Variants in SLIT3 observed in about 807,000 individuals in gnomAD.
The protein encoded by SLIT3 is slit homolog 3 protein.
In SLIT3, 68 loss-of-function variants were observed where a neutral mutation model predicts 184.0. The observed-to-expected ratio is 0.37, with a 90% CI of 0.30 to 0.45. SLIT3 has a LOEUF of 0.45. Ranked by LOEUF, SLIT3 falls within the 20% of genes least tolerant of loss-of-function variation. The probability of loss-of-function intolerance (pLI) is 1.00; values close to 1 mark genes in which losing one functional copy is unlikely to be tolerated. For synonymous variants in SLIT3, 831 were observed against 828.6 expected, an observed-to-expected ratio of 1.00 and a Z score of -0.05; for missense variants, 1,707 against 2,026.0, an observed-to-expected ratio of 0.84 and a Z score of 3.02.
intron 20 of SLIT3, among the ~76,000 whole-genome samples, chr5:168,735,234 C>A (rs1763394463): frequency 6.6e-6 from 1 of 152,214 alleles, no homozygotes. Flanking sequence ...TGAAACTCCA[C>A]ACAGATCTCT....
intron 29 of SLIT3, among the ~76,000 whole-genome samples, chr5:168,688,167 T>C (rs765658770): frequency 2.6e-5 from 4 of 152,336 alleles, no homozygotes; most frequent in South Asian, 4.1e-4. Flanking sequence ...CAGGCACATA[T>C]AAGCAAATGC....
At chr5:168,850,341 A>T (rs1229795678) in intron 5 of SLIT3, among the ~76,000 whole-genome samples, 2 of 152,224 alleles carry the variant, frequency 1.3e-5, no homozygotes, top group African/African-American at 4.8e-5. Flanking sequence ...CCTAGAATAC[A>T]TATAGATATG....
intron 20 of SLIT3, among the ~76,000 whole-genome samples, chr5:168,746,019 T>TC (rs1269503462): frequency 2.0e-5 from 3 of 152,228 alleles, no homozygotes; most frequent in African/African-American, 7.2e-5. Flanking sequence ...GTACATTGGT[T>TC]TTTTTCCAAC....
intron 5 of SLIT3, among the ~76,000 whole-genome samples, chr5:168,846,102 T>G (rs1030050129): frequency 6.6e-6 from 1 of 152,196 alleles, no homozygotes; most frequent in Non-Finnish European, 1.5e-5. Flanking sequence ...ATTGCATAAA[T>G]GCACACAAAT....
At chr5:169,096,692 C>A (rs1010513867) in intron 4 of SLIT3, among the ~76,000 whole-genome samples, 2 of 152,194 alleles carry the variant, frequency 1.3e-5, no homozygotes, top group African/African-American at 2.4e-5. Context: ...CCAATGGCTA[C>A]TGATATATAT....
intron 5 of SLIT3, among the ~76,000 whole-genome samples, chr5:168,872,640 C>T (rs56369956): frequency 3.0e-4 from 34 of 112,430 alleles, no homozygotes; most frequent in Admixed American, 5.5e-4. Flanking sequence ...TCTTCTTCTT[C>T]TTTTTTTTTT....
chr5:168,959,025 C>T (rs1484939781), intron 4 of SLIT3, among the ~76,000 whole-genome samples: 4 of 152,276 alleles, frequency 2.6e-5, no homozygotes, highest in African/African-American at 9.6e-5. Flanking sequence ...CCTTCAGGAG[C>T]TGAATGTGGC....
chr5:169,025,624 G>C (rs986262985), intron 4 of SLIT3, among the ~76,000 whole-genome samples: 1 of 152,190 alleles, frequency 6.6e-6, no homozygotes, highest in Non-Finnish European at 1.5e-5. Flanking sequence ...AGGAAACTAA[G>C]AGATGCCTGA....
intron 12 of SLIT3, among the ~76,000 whole-genome samples, chr5:168,775,470 A>G (rs1331705982): frequency 6.6e-6 from 1 of 151,976 alleles, no homozygotes; most frequent in Non-Finnish European, 1.5e-5. Flanking sequence ...CTCCTCAGAG[A>G]GGCCGGCCCT....
chr5:168,935,113 G>A (rs1459899275), intron 4 of SLIT3, among the ~76,000 whole-genome samples: 2 of 149,186 alleles, frequency 1.3e-5, no homozygotes, highest in Non-Finnish European at 3.0e-5. Flanking sequence ...ACTCCAGCCT[G>A]GGTGACAGAG....
intron 4 of SLIT3, among the ~76,000 whole-genome samples, chr5:169,185,315 T>C (rs1228236013): frequency 6.6e-6 from 1 of 152,190 alleles, no homozygotes; most frequent in Non-Finnish European, 1.5e-5. Context: ...TTTGGGTGGC[T>C]GTGTCCCTGA....
intron 4 of SLIT3, among the ~76,000 whole-genome samples, chr5:169,187,844 G>A (rs563440337): frequency 9.3e-5 from 14 of 150,192 alleles, no homozygotes; most frequent in Admixed American, 2.7e-4. Flanking sequence ...GTCAGCTACC[G>A]CTCCCAGCTG....
intron 4 of SLIT3, among the ~76,000 whole-genome samples, chr5:168,926,202 T>C (rs531402680): frequency 6.6e-6 from 1 of 152,116 alleles, no homozygotes; most frequent in South Asian, 2.1e-4. Context: ...CCAACAGGGT[T>C]CTCAGTGATA....
At position 169,028,865 on chromosome 5, in the gene SLIT3, A is replaced by G. The variant is rs147430738; in HGVS notation, c.414-145529T>C. Among the ~76,000 whole-genome samples the G allele has an allele frequency of 4.0e-4, 61 of 152,334 alleles. No individual in the cohort carries two copies. In the East Asian group the frequency reaches 0.012, roughly 29 times the overall value. ...TCCACTGCTTTCCAAAATTTTGGCA[A>G]CACTAGCAAAAGCAGCCCAGGCCTT... On this transcript the variant is annotated intron_variant, in intron 4 of 35. Transcript: ENST00000519560.
Position 168,762,625 on chromosome 5 carries a change from C to A in SLIT3, c.1524G>T (p.Lys508Asn). The change falls in exon 15 of 36, where the codon AAG becomes AAT. Residue 508 changes from lysine to asparagine, a missense_variant. This residue lies in a region of SLIT3 where 1,307 missense variants were observed against 1,511.6 expected (regional missense o/e 0.86). Transcript: ENST00000519560. ...CCACAATCGTGCCCTCACAGCGACA[C>A]TTCTCGGGGCACACGAGGTCCATGA... Reference protein sequence around the residue: ...ECFMDLVCPEKCRCEGTIVDC... With the variant: ...ECFMDLVCPENCRCEGTIVDC... 6.2e-7 allele frequency: 1 copy of A among 1,614,162 alleles called. No individual in the cohort carries two copies. The highest frequency in any genetic ancestry group is 8.5e-7 in the Non-Finnish European group (1 of 1,180,028).
intron 10 of SLIT3, 30 bp from the exon 11 acceptor site, chr5:168,789,661 C>T (rs1361617183): frequency 6.3e-7 from 1 of 1,582,290 alleles, no homozygotes; most frequent in Non-Finnish European, 8.7e-7. Context: ...AGTCTGAGAA[C>T]ATGGCTCAAA....
chr5:168,961,858 ATGTGTGTGTGTG>A (rs35895529), intron 4 of SLIT3, among the ~76,000 whole-genome samples: 40 of 148,516 alleles, frequency 2.7e-4, no homozygotes, highest in African/African-American at 9.7e-4. Flanking sequence ...GCATGCACGC[ATGTGTGTGTGTG>A]TGTGTGTGTG....
At chr5:169,195,076 T>C (rs990233310) in intron 3 of SLIT3, among the ~76,000 whole-genome samples, 8 of 152,162 alleles carry the variant, frequency 5.3e-5, no homozygotes, top group Non-Finnish European at 1.0e-4. Context: ...TTAGAGTGAA[T>C]TGAGTATGGC....
intron 4 of SLIT3, among the ~76,000 whole-genome samples, chr5:169,040,563 A>T (rs1297859970): frequency 1.3e-5 from 2 of 152,230 alleles, no homozygotes; most frequent in Non-Finnish European, 2.9e-5. Flanking sequence ...TTTGGGAGAC[A>T]GACGGATGAA....
Sources: allele counts gnomAD v4.1 joint callset (sites outside exome capture counted in the v4.1 genomes callset), GRCh38; gene constraint gnomAD v4.1.1; regional missense constraint gnomAD v4.1.1; transcripts MANE v1.5; gene names NCBI Gene and HGNC (gene_info 2026-07-23, HGNC 2026-07-21).